Variants in MTREX observed in about 807,000 individuals in gnomAD.
MTREX encodes the protein Mtr4 exosome RNA helicase, also known as exosome RNA helicase MTR4.
MTREX carries 76 observed loss-of-function variants against 135.4 expected under a neutral mutation model. That is an observed-to-expected ratio of 0.56 (90% CI 0.47 to 0.68). The LOEUF (loss-of-function observed/expected upper bound fraction) is 0.68, where lower values mean the gene tolerates loss of function less well. MTREX is among the 30% of genes least tolerant of loss of function. The pLI is 0.00. For synonymous variants in MTREX, 404 were observed against 401.6 expected, an observed-to-expected ratio of 1.01 and a Z score of -0.07; for missense variants, 920 against 1,262.1, an observed-to-expected ratio of 0.73 and a Z score of 4.11.
intron 7 of MTREX, 141 bp from the exon 8 acceptor site, chr5:55,343,190 G>C: frequency 2.9e-6 from 2 of 696,286 alleles, no homozygotes; most frequent in Non-Finnish European, 4.5e-6. Flanking sequence ...ATAGTTTTCA[G>C]TAAGGTTCTG....
At chr5:55,357,809 A>C (rs913769997) in intron 14 of MTREX, among the ~76,000 whole-genome samples, 3 of 152,200 alleles carry the variant, frequency 2.0e-5, no homozygotes, top group African/African-American at 7.2e-5. Flanking sequence ...GAAGTGGTTC[A>C]GTGGTGCCCT....
intron 5 of MTREX, among the ~76,000 whole-genome samples, chr5:55,335,582 C>T (rs752790914): frequency 4.6e-5 from 7 of 151,948 alleles, no homozygotes; most frequent in Non-Finnish European, 8.8e-5. Context: ...AATTGAATTC[C>T]CGTAAATTAC....
intron 5 of MTREX, among the ~76,000 whole-genome samples, chr5:55,338,156 T>G (rs558765227): frequency 6.6e-6 from 1 of 152,314 alleles, no homozygotes; most frequent in African/African-American, 2.4e-5. Flanking sequence ...ATACATAGTC[T>G]TAATTGTTCT....
At chr5:55,360,716 T>G (rs1433017030) in intron 15 of MTREX, among the ~76,000 whole-genome samples, 1 of 152,216 alleles carries the variant, frequency 6.6e-6, no homozygotes, top group Non-Finnish European at 1.5e-5. Flanking sequence ...TACCTGTTTT[T>G]GTGTCTGCAT....
At chr5:55,311,645 T>A (rs1415858260) in intron 1 of MTREX, among the ~76,000 whole-genome samples, 1 of 152,208 alleles carries the variant, frequency 6.6e-6, no homozygotes, top group Non-Finnish European at 1.5e-5. Context: ...TAATAGCCAC[T>A]ATCCTCACGT....
intron 16 of MTREX, among the ~76,000 whole-genome samples, chr5:55,372,821 A>G (rs1561200617): frequency 6.6e-6 from 1 of 151,834 alleles, no homozygotes; most frequent in East Asian, 1.9e-4. Context: ...GTGATTTCTT[A>G]GCTGTGACAC....
At chr5:55,391,590 C>T (rs1447701324) in intron 19 of MTREX, among the ~76,000 whole-genome samples, 4 of 152,142 alleles carry the variant, frequency 2.6e-5, no homozygotes, top group Admixed American at 6.5e-5. Context: ...TATACTGGCA[C>T]ATAAGCCTCA....
chr5:55,386,764 G>GT (rs1750487788), intron 18 of MTREX, among the ~76,000 whole-genome samples: 1 of 152,012 alleles, frequency 6.6e-6, no homozygotes, highest in Non-Finnish European at 1.5e-5. Flanking sequence ...CGCCTGTGGG[G>GT]TTTTTTTGTC....
intron 19 of MTREX, among the ~76,000 whole-genome samples, chr5:55,394,078 C>T (rs1273743191): frequency 3.3e-5 from 5 of 152,160 alleles, no homozygotes; most frequent in South Asian, 4.1e-4. Flanking sequence ...TTCTGAATCT[C>T]GTCTTCACAA....
intron 19 of MTREX, among the ~76,000 whole-genome samples, chr5:55,394,646 T>C (rs373383969): frequency 6.6e-6 from 1 of 152,172 alleles, no homozygotes; most frequent in African/African-American, 2.4e-5. Flanking sequence ...CCACCACTCT[T>C]GCTGCATGGC....
At chr5:55,367,219 G>A (rs961748260) in intron 16 of MTREX, among the ~76,000 whole-genome samples, 1 of 152,194 alleles carries the variant, frequency 6.6e-6, no homozygotes, top group Admixed American at 6.5e-5. Flanking sequence ...GGGCGCAGTG[G>A]CTCATGCCTG....
chr5:55,362,249 A>G (rs1579870577), intron 15 of MTREX, among the ~76,000 whole-genome samples: 1 of 151,362 alleles, frequency 6.6e-6, no homozygotes, highest in Non-Finnish European at 1.5e-5. Context: ...CGAATTTTTA[A>G]AGGAGCAATA....
intron 2 of MTREX, among the ~76,000 whole-genome samples, chr5:55,323,100 C>T (rs962169195): frequency 2.0e-5 from 3 of 151,848 alleles, no homozygotes; most frequent in African/African-American, 7.3e-5. Flanking sequence ...TTTTTTAAAA[C>T]CAGTTAACTT....
chr5:55,394,638 A>G (rs902355424), intron 19 of MTREX, among the ~76,000 whole-genome samples: 2 of 152,168 alleles, frequency 1.3e-5, no homozygotes, highest in Non-Finnish European at 2.9e-5. Context: ...TCTCTCCCCC[A>G]CCACTCTTGC....
chr5:55,375,028 G>A (rs537827353), intron 16 of MTREX, among the ~76,000 whole-genome samples: 39 of 152,224 alleles, frequency 2.6e-4, no homozygotes, highest in Non-Finnish European at 3.8e-4. Flanking sequence ...TTTTTATTAG[G>A]GAGTTTCAAA....
intron 3 of MTREX, among the ~76,000 whole-genome samples, chr5:55,325,996 T>C (rs1749371595): frequency 1.3e-5 from 2 of 152,224 alleles, no homozygotes; most frequent in Admixed American, 6.5e-5. Context: ...GAAAGTCTCT[T>C]ATGTTTCTTT....
At chr5:55,312,443 CTG>C (rs1749129865) in intron 1 of MTREX, among the ~76,000 whole-genome samples, 1 of 151,418 alleles carries the variant, frequency 6.6e-6, no homozygotes, top group Non-Finnish European at 1.5e-5. Context: ...TGGGGTATAA[CTG>C]AAGTGCAGTA....
chr5:55,350,789 T>C, intron 12 of MTREX, 130 bp from the exon 13 acceptor site: 1 of 789,354 alleles, frequency 1.3e-6, no homozygotes, highest in Non-Finnish European at 2.0e-6. Flanking sequence ...GTTTTGCTTT[T>C]ATTCTGGAAA....
At chr5:55,365,644 C>A (rs972587910) in intron 15 of MTREX, among the ~76,000 whole-genome samples, 1 of 152,164 alleles carries the variant, frequency 6.6e-6, no homozygotes, top group African/African-American at 2.4e-5. Context: ...TTTGGTCATT[C>A]TCTTATTTAA....
Sources: allele counts gnomAD v4.1 joint callset (sites outside exome capture counted in the v4.1 genomes callset), GRCh38; gene constraint gnomAD v4.1.1; transcripts MANE v1.5; gene names NCBI Gene and HGNC (gene_info 2026-07-23, HGNC 2026-07-21).